EIF3A: variants seen among roughly 807,000 people sequenced by gnomAD.
EIF3A encodes eukaryotic translation initiation factor 3 subunit A, also known as EIF3, p180 subunit.
A neutral mutation model predicts 186.6 loss-of-function variants in EIF3A; 21 were observed. The ratio of observed to expected loss-of-function variants is 0.11; its 90% CI spans 0.08 to 0.16. EIF3A has a LOEUF of 0.16. Ranked by LOEUF, EIF3A falls within the 10% of genes least tolerant of loss-of-function variation. The pLI, the probability that EIF3A is intolerant of heterozygous loss-of-function variation, is 1.00. For synonymous variants in EIF3A, 563 were observed against 584.3 expected (o/e 0.96, Z 0.52); for missense variants, 1,306 against 1,796.3 (o/e 0.73, Z 4.93).
chr10:119,060,000 T>A (rs1843857850), intron 9 of EIF3A: 5 of 520,702 alleles, frequency 9.6e-6, no homozygotes, highest in Non-Finnish European at 1.8e-5. Flanking sequence ...TTTAAACACT[T>A]CTTATAGAAT....
intron 1 of EIF3A, among the ~76,000 whole-genome samples, chr10:119,076,801 T>C (rs1409781329): frequency 6.6e-6 from 1 of 151,896 alleles, no homozygotes; most frequent in Admixed American, 6.6e-5. Context: ...CCAGGCATGG[T>C]GGTGCATGCC....
chr10:119,072,369 A>G (rs79032831), intron 4 of EIF3A, among the ~76,000 whole-genome samples: 9,745 of 152,250 alleles, frequency 0.064, 588 homozygotes, highest in African/African-American at 0.16. Flanking sequence ...TCAGATATCA[A>G]TAAAATACAA....
At chr10:119,037,332 G>A (rs1848146361) in intron 20 of EIF3A, 23 bp from the exon 21 acceptor site, 2 of 1,608,592 alleles carry the variant, frequency 1.2e-6, no homozygotes, top group South Asian at 2.2e-5. Context: ...ACAATGACAG[G>A]TCAGGTTCTT....
At chr10:119,054,063 G>A (rs1004951514) in intron 14 of EIF3A, among the ~76,000 whole-genome samples, 1 of 152,128 alleles carries the variant, frequency 6.6e-6, no homozygotes, top group Non-Finnish European at 1.5e-5. Flanking sequence ...TGGGATTACA[G>A]GCATCTGCCA....
rs1844254426 is a variant in EIF3A at position 119,080,813 on chromosome 10, AAAGG to A, written c.-141_-138del. 7.1e-7 allele frequency: 1 copy of A among 1,415,312 alleles called. No individual in the cohort carries two copies. The highest frequency in any genetic ancestry group is 9.2e-7 in the Non-Finnish European group (1 of 1,083,108). The allele number at this position is 1,415,312 out of a possible 1,614,324, so 87.7% of individuals were successfully genotyped here. ...CCCGCGCCCAGCCGGCCAGAGACGG[AAAGG>A]AAGGAGCCACGTGACCTCCCCGCGG... On this transcript the variant is annotated 5_prime_UTR_variant, in exon 1 of 22. Transcript: ENST00000369144.
At chr10:119,073,127 T>C in intron 3 of EIF3A, 74 bp from the exon 4 acceptor site, 1 of 1,413,380 alleles carries the variant, frequency 7.1e-7, no homozygotes, top group Non-Finnish European at 9.6e-7. Flanking sequence ...ACCAAAACAA[T>C]GTTCATCAGA....
In EIF3A at chr10:119,069,542, T is replaced by C; in HGVS notation, c.854A>G (p.Lys285Arg). 6.3e-7 allele frequency: 1 copy of C among 1,595,038 alleles called. No individual in the cohort carries two copies. The highest frequency in any genetic ancestry group is 8.6e-7 in the Non-Finnish European group (1 of 1,162,834). The change falls in exon 6 of 22, where the codon AAA becomes AGA. Residue 285 changes from lysine to arginine, a missense_variant. Physicochemically the swap from Lys to Arg is conservative, Grantham distance 26 (BLOSUM62 2). Coordinates refer to ENST00000369144, the MANE Select transcript of EIF3A (RefSeq NM_003750.4). ...TGCATGAAAAAGAGCATTTCCAGATTTCCAAAACACAGTTGAGACTTTGTT... is the reference window on the plus strand; with the variant it reads ...TGCATGAAAAAGAGCATTTCCAGATCTCCAAAACACAGTTGAGACTTTGTT... ...YYNKVSTVFW[K>R]SGNALFHAST...
intron 17 of EIF3A, among the ~76,000 whole-genome samples, chr10:119,048,119 C>T (rs542170247): frequency 4.1e-5 from 6 of 146,362 alleles, no homozygotes; most frequent in African/African-American, 1.1e-4. Context: ...AGACTACTAA[C>T]GCGTGTTTTA....
intron 14 of EIF3A, among the ~76,000 whole-genome samples, chr10:119,051,671 G>T (rs1171652962): frequency 6.6e-6 from 1 of 152,128 alleles, no homozygotes; most frequent in African/African-American, 2.4e-5. Context: ...AGCAAGCAAC[G>T]CAGATTTTTT....
intron 9 of EIF3A, 42 bp downstream of exon 9, chr10:119,060,704 G>T: frequency 6.9e-7 from 1 of 1,455,198 alleles, no homozygotes; most frequent in Non-Finnish European, 9.5e-7. Context: ...TTCATGATGA[G>T]CACATAACAT....
intron 1 of EIF3A, among the ~76,000 whole-genome samples, chr10:119,076,737 A>G (rs1173316042): frequency 6.6e-6 from 1 of 151,970 alleles, no homozygotes; most frequent in Non-Finnish European, 1.5e-5. Context: ...GGAGTTCCAG[A>G]TCAGCCTGGG....
At chr10:119,060,241 T>A in intron 9 of EIF3A, 2 of 466,734 alleles carry the variant, frequency 4.3e-6, no homozygotes, top group Non-Finnish European at 8.2e-6. Flanking sequence ...GACTAAAATA[T>A]ATGAAAAGGC....
intron 19 of EIF3A, 35 bp from the exon 20 acceptor site, chr10:119,038,474 A>G (rs1379607251): frequency 1.9e-6 from 3 of 1,540,500 alleles, no homozygotes; most frequent in Non-Finnish European, 2.7e-6. Context: ...TTTTTAAAAT[A>G]TTTTTAAAAG....
At chr10:119,039,417 T>A (rs1033539744) in intron 19 of EIF3A, among the ~76,000 whole-genome samples, 4 of 151,724 alleles carry the variant, frequency 2.6e-5, no homozygotes, top group African/African-American at 9.7e-5. Context: ...ATGCCTGTAA[T>A]CTCAGGAATT....
Position 119,042,054 on chromosome 10 carries a change from G to T in EIF3A, c.3466C>A (p.Arg1156=), listed in dbSNP as rs754819756. The T allele has an allele frequency of 1.9e-6, 3 of 1,614,114 alleles. No homozygotes were observed. The South Asian group carries it at 3.3e-5, about 18-fold the overall frequency. The change falls in exon 19 of 22, where the codon CGG becomes AGG. Residue 1156 remains arginine, a synonymous_variant. Coordinates refer to ENST00000369144, the MANE Select transcript of EIF3A (RefSeq NM_003750.4). This position sits in a 1 kb window ranked among gnomAD's most constrained non-coding sequence, Gnocchi z 7.8. ...GAGTCATCACCCCGTCTGGGAAACC[G>T]ATCATCATCAGCACGTCTTGAAAGG... ...DRLSRRADDD[R]FPRRGDDSRP...
Position 119,072,755 on chromosome 10 carries a change from G to T in EIF3A, c.541+135C>A, listed in dbSNP as rs58357192. ...CAGGTGTGAGCCACCACATCCGGCC[G>T]CAGTCATTTAATACTCATGTGAATG... On this transcript the variant is annotated intron_variant, in intron 4 of 21. Coordinates refer to ENST00000369144, the MANE Select transcript of EIF3A (RefSeq NM_003750.4). The T allele has an allele frequency of 2.1e-5, 22 of 1,072,342 alleles. No homozygotes were observed. In the Admixed American group the frequency reaches 4.8e-4, roughly 23 times the overall value. 66.4% of individuals were successfully genotyped at this position (1,072,342 alleles called of 1,614,324 possible).
At chr10:119,074,811 C>T (rs1383188567) in intron 1 of EIF3A, among the ~76,000 whole-genome samples, 5 of 140,036 alleles carry the variant, frequency 3.6e-5, no homozygotes, top group African/African-American at 8.0e-5. Flanking sequence ...TGCATGCCTG[C>T]GGAGGCTGAG....
At chr10:119,054,144 C>T (rs1848393894) in intron 14 of EIF3A, among the ~76,000 whole-genome samples, 1 of 152,094 alleles carries the variant, frequency 6.6e-6, no homozygotes. Context: ...TGGTCTCAAA[C>T]TCCTGACCTC....
At chr10:119,073,202 T>C (rs980757355) in intron 3 of EIF3A, 149 bp from the exon 4 acceptor site, 19 of 768,836 alleles carry the variant, frequency 2.5e-5, no homozygotes, top group Non-Finnish European at 3.6e-5. Flanking sequence ...ACTCCCTGAA[T>C]TCCCAATCTG....
Sources: allele counts gnomAD v4.1 joint callset (sites outside exome capture counted in the v4.1 genomes callset), GRCh38; gene constraint gnomAD v4.1.1; non-coding constraint Gnocchi (gnomAD v3.1); transcripts MANE v1.5; gene names NCBI Gene and HGNC (gene_info 2026-07-23, HGNC 2026-07-21).